The following TMEM45A variants were observed in gnomAD, a reference collection of about 807,000 sequenced individuals.
The protein encoded by TMEM45A is DNA polymerase-transactivated protein 4.
A neutral mutation model predicts 32.0 loss-of-function variants in TMEM45A; 25 were observed. That is an observed-to-expected ratio of 0.78 (90% CI 0.57 to 1.09). The LOEUF (loss-of-function observed/expected upper bound fraction) is 1.09, where lower values mean the gene tolerates loss of function less well. Among genes scored for constraint, TMEM45A ranks in the 50% least tolerant of loss-of-function variants. The pLI is 0.00. For synonymous variants in TMEM45A, 122 were observed against 114.8 expected (o/e 1.06, Z -0.40); for missense variants, 302 against 325.0 (o/e 0.93, Z 0.54).
chr3:100,566,255 C>T (rs1446879509), intron 4 of TMEM45A, among the ~76,000 whole-genome samples: 1 of 152,016 alleles, frequency 6.6e-6, no homozygotes, highest in East Asian at 1.9e-4. Flanking sequence ...GTTTGAATAC[C>T]TATTTTTAGT....
chr3:100,568,690 T>C (rs1325259477), intron 4 of TMEM45A, 132 bp from the exon 5 acceptor site: 2 of 744,320 alleles, frequency 2.7e-6, no homozygotes, highest in Non-Finnish European at 4.2e-6. Flanking sequence ...CAAAACCTGA[T>C]GTTTTATCTG....
At chr3:100,506,978 A>G (rs545060626) in intron 1 of TMEM45A, among the ~76,000 whole-genome samples, 1 of 152,320 alleles carries the variant, frequency 6.6e-6, no homozygotes, top group South Asian at 2.1e-4. Flanking sequence ...CTTGGTCAAG[A>G]CTAAAGAGTC....
chr3:100,521,127 T>C (rs894295122), intron 1 of TMEM45A, among the ~76,000 whole-genome samples: 9 of 152,206 alleles, frequency 5.9e-5, no homozygotes, highest in Admixed American at 3.3e-4. Context: ...GCCTTTTAAT[T>C]TGGGATTTAG....
intron 1 of TMEM45A, among the ~76,000 whole-genome samples, chr3:100,505,463 C>T (rs1444492156): frequency 6.6e-6 from 1 of 152,164 alleles, no homozygotes; most frequent in East Asian, 1.9e-4. Context: ...CAACAATTCT[C>T]ACATTTTAGT....
In TMEM45A at chr3:100,503,404, C is replaced by T. The variant is rs1003019105; in HGVS notation, c.-4+10476C>T. On this transcript the variant is annotated intron_variant, in intron 1 of 5. Coordinates refer to ENST00000323523, the MANE Select transcript of TMEM45A (RefSeq NM_018004.3). ...ACAGGCCTGAGCCACTGCACCTGGC[C>T]TCTCCTTGCTGCTTCTATGACTTCT... Among the ~76,000 whole-genome samples the T allele has an allele frequency of 3.3e-4, 50 of 152,200 alleles. 1 individual carries two copies. The highest frequency in any genetic ancestry group is 7.2e-4 in the African/African-American group (30 of 41,444).
chr3:100,507,059 C>T (rs959358751), intron 1 of TMEM45A, among the ~76,000 whole-genome samples: 2 of 152,214 alleles, frequency 1.3e-5, no homozygotes, highest in African/African-American at 4.8e-5. Flanking sequence ...CATGGACTTA[C>T]TGCTCTAGAG....
At chr3:100,569,508 CAG>C (rs757250779) in intron 5 of TMEM45A, among the ~76,000 whole-genome samples, 14 of 152,122 alleles carry the variant, frequency 9.2e-5, no homozygotes, top group Admixed American at 7.2e-4. Flanking sequence ...AGCAGTAGAA[CAG>C]AGTTATAAGA....
intron 1 of TMEM45A, among the ~76,000 whole-genome samples, chr3:100,512,475 G>T (rs997376113): frequency 6.6e-6 from 1 of 152,212 alleles, no homozygotes; most frequent in Non-Finnish European, 1.5e-5. Flanking sequence ...ATTCAAAGCA[G>T]TGTGTAGAGG....
rs1248223915 is a variant in TMEM45A, at chr3:100,539,478, TGTATATGTATATGTATACGTATAC to T, written c.-3-15725_-3-15702del. Reference sequence around the variant, plus strand: ...ATGTATATGTATATGTATATGTATATGTATATGTATATGTATACGTATACGTATACGTATACGTATATGTGGGGA... The same window carrying T: ...ATGTATATGTATATGTATATGTATATGTATACGTATACGTATATGTGGGGA... On this transcript the variant is annotated intron_variant, in intron 1 of 5. Coordinates refer to ENST00000323523, the MANE Select transcript of TMEM45A (RefSeq NM_018004.3). Among the ~76,000 whole-genome samples the T allele has an allele frequency of 3.2e-4, 41 of 127,128 alleles. 1 individual carries two copies. Among genetic ancestry groups the T allele is most frequent in the African/African-American group, 1.1e-3 (40 of 37,624 alleles). 83.4% of individuals were successfully genotyped at this position (127,128 alleles called of 152,430 possible).
At chr3:100,513,986 C>G (rs1184499888) in intron 1 of TMEM45A, among the ~76,000 whole-genome samples, 3 of 152,024 alleles carry the variant, frequency 2.0e-5, no homozygotes, top group African/African-American at 4.8e-5. Context: ...AGGATACAAA[C>G]AAATGGAAGA....
intron 1 of TMEM45A, among the ~76,000 whole-genome samples, chr3:100,494,837 T>C (rs1401403368): frequency 6.6e-6 from 1 of 152,150 alleles, no homozygotes; most frequent in Non-Finnish European, 1.5e-5. Flanking sequence ...CCCCTGTGCC[T>C]CAGCTTCCTC....
intron 1 of TMEM45A, among the ~76,000 whole-genome samples, chr3:100,524,988 A>T (rs1705512732): frequency 6.6e-6 from 1 of 152,152 alleles, no homozygotes; most frequent in Non-Finnish European, 1.5e-5. Flanking sequence ...CAGGAGTTGG[A>T]GACAAGTCTG....
In TMEM45A at chr3:100,509,518, G is replaced by C. The variant is rs181239775; in HGVS notation, c.-4+16590G>C. On this transcript the variant is annotated intron_variant, in intron 1 of 5. Coordinates refer to ENST00000323523, the MANE Select transcript of TMEM45A (RefSeq NM_018004.3). Reference sequence around the variant, plus strand: ...TTGCAGCACTATTCACAATAGCCAAGGTATGGAATCAACCTAAGTGTCTAT... The same window carrying C: ...TTGCAGCACTATTCACAATAGCCAACGTATGGAATCAACCTAAGTGTCTAT... Among the ~76,000 whole-genome samples the C allele has an allele frequency of 2.4e-3, 372 of 152,296 alleles. 2 individuals are homozygous for C. The highest frequency in any genetic ancestry group is 8.8e-3 in the African/African-American group (365 of 41,560).
chr3:100,517,564 C>T (rs1708284685), intron 1 of TMEM45A, among the ~76,000 whole-genome samples: 1 of 152,188 alleles, frequency 6.6e-6, no homozygotes, highest in African/African-American at 2.4e-5. Flanking sequence ...TAGAAATATC[C>T]TCTTTCTCAC....
rs1183330652 is a variant in TMEM45A, at chr3:100,539,432, G to GATATGCATATGCATATGCATATGC, written c.-3-15772_-3-15771insCATATGCATATGCATATGCATATG. 1.7e-4 allele frequency among the ~76,000 whole-genome samples: 14 copies of GATATGCATATGCATATGCATATGC among 83,118 alleles called. 1 individual carries two copies. Among genetic ancestry groups the GATATGCATATGCATATGCATATGC allele is most frequent in the African/African-American group, 2.8e-4 (7 of 25,244 alleles). The allele number at this position is 83,118 out of a possible 152,430, so 54.5% of individuals were successfully genotyped here. On this transcript the variant is annotated intron_variant, in intron 1 of 5. Transcript: ENST00000323523. ...TCTCCAGAGAAACAGAACCCAATAG[G>GATATGCATATGCATATGCATATGC]ATATGTATATGTATATGTATATGTA...
chr3:100,563,340 C>T (rs773694741), intron 4 of TMEM45A, among the ~76,000 whole-genome samples: 6 of 152,184 alleles, frequency 3.9e-5, no homozygotes, highest in Non-Finnish European at 7.3e-5. Context: ...TCTGCAAATA[C>T]TCTGTTTCCA....
chr3:100,496,964 G>C (rs1259253954), intron 1 of TMEM45A, among the ~76,000 whole-genome samples: 3 of 152,158 alleles, frequency 2.0e-5, no homozygotes, highest in Admixed American at 2.0e-4. Flanking sequence ...ACATGCTGTG[G>C]TTTTGGGCTA....
intron 1 of TMEM45A, among the ~76,000 whole-genome samples, chr3:100,507,900 TA>T (rs1708099741): frequency 6.6e-6 from 1 of 151,284 alleles, no homozygotes; most frequent in African/African-American, 2.4e-5. Context: ...GATATTTGAC[TA>T]GAGACATCTG....
intron 1 of TMEM45A, among the ~76,000 whole-genome samples, chr3:100,553,194 A>T (rs189350074): frequency 6.6e-6 from 1 of 152,340 alleles, no homozygotes; most frequent in East Asian, 1.9e-4. Flanking sequence ...AAACTGCGGC[A>T]CTGAGGGGTT....
Sources: allele counts gnomAD v4.1 joint callset (sites outside exome capture counted in the v4.1 genomes callset), GRCh38; gene constraint gnomAD v4.1.1; transcripts MANE v1.5; gene names NCBI Gene and HGNC (gene_info 2026-07-23, HGNC 2026-07-21).